The following ZSCAN18 variants were observed in gnomAD, a reference collection of about 807,000 sequenced individuals.
ZSCAN18 encodes zinc finger and SCAN domain containing 18, also known as zinc finger and SCAN domain-containing protein 18.
A neutral mutation model predicts 31.1 loss-of-function variants in ZSCAN18; 16 were observed. That is an observed-to-expected ratio of 0.51 (90% CI 0.35 to 0.78). ZSCAN18 has a LOEUF of 0.78. Ranked by LOEUF, ZSCAN18 falls within the 30% of genes least tolerant of loss-of-function variation. ZSCAN18 has a pLI of 0.01. For missense variants in ZSCAN18, 731 were observed against 697.4 expected, an observed-to-expected ratio of 1.05 and a Z score of -0.54; for synonymous variants, 375 against 320.7, an observed-to-expected ratio of 1.17 and a Z score of -1.81.
chr19:58,087,560 T>C lies in ZSCAN18; in HGVS notation c.554-156A>G, dbSNP rs1426462790. 3.1e-5 allele frequency: 20 copies of C among 652,244 alleles called. No homozygotes were observed. The East Asian group carries it at 5.3e-4, about 17-fold the overall frequency. The allele number at this position is 652,244 out of a possible 1,614,324, so 40.4% of individuals were successfully genotyped here. On this transcript the variant is annotated intron_variant, in intron 3 of 6. Coordinates refer to ENST00000601144, the MANE Select transcript of ZSCAN18 (RefSeq NM_001145543.2). ...ACGGACACTACACCTTTCCCTGATT[T>C]ACAAAGCAGCGCGGTGGCCACAGGG...
At chr19:58,095,132 A>G (rs1200274470) in intron 1 of ZSCAN18, among the ~76,000 whole-genome samples, 1 of 152,140 alleles carries the variant, frequency 6.6e-6, no homozygotes, top group Non-Finnish European at 1.5e-5. Context: ...GCCTCTCCTG[A>G]TGGGAGGCGT....
rs200742278 is a variant in ZSCAN18, at chr19:58,084,749, G to C, written c.1469C>G (p.Ala490Gly). The C allele has an allele frequency of 5.1e-6, 8 of 1,556,962 alleles. No homozygotes were observed. The highest frequency in any genetic ancestry group is 6.0e-6 in the Non-Finnish European group (7 of 1,160,394). The change falls in exon 7 of 7, where the codon GCG becomes GGG. Residue 490 changes from alanine to glycine, a missense_variant. Physicochemically the swap from Ala to Gly is moderately conservative, Grantham distance 60 (BLOSUM62 0). Coordinates refer to ENST00000601144, the MANE Select transcript of ZSCAN18 (RefSeq NM_001145543.2). This position sits in a 1 kb window ranked among gnomAD's most constrained non-coding sequence, Gnocchi z 4.5. Reference protein sequence around the residue: ...STREAQAGARAGGPPESVEGE... With the variant: ...STREAQAGARGGGPPESVEGE... ...CTCCACGCTCTCTGGGGGACCGCCC[G>C]CCCTAGCCCCCGCCTGGGCTTCGCG...
intron 1 of ZSCAN18, among the ~76,000 whole-genome samples, chr19:58,093,614 C>T (rs1404745063): frequency 3.3e-5 from 5 of 152,146 alleles, no homozygotes; most frequent in South Asian, 2.1e-4. Context: ...CCCACTTTCC[C>T]GTGACTTTTT....
upstream of ZSCAN18, among the ~76,000 whole-genome samples, chr19:58,099,420 T>C (rs187916612): frequency 6.6e-6 from 1 of 152,234 alleles, no homozygotes; most frequent in Non-Finnish European, 1.5e-5. Flanking sequence ...TGAAGTAGTA[T>C]GTATCAACAG....
chr19:58,116,121 C>T (rs1227341143), intron 1 of ZSCAN18, among the ~76,000 whole-genome samples: 1 of 150,680 alleles, frequency 6.6e-6, no homozygotes, highest in African/African-American at 2.5e-5. Flanking sequence ...CAATTTCAAA[C>T]ACACGCACGC....
intron 1 of ZSCAN18, among the ~76,000 whole-genome samples, chr19:58,104,271 CAGG>C (rs2074616292): frequency 1.3e-5 from 2 of 152,178 alleles, no homozygotes; most frequent in Non-Finnish European, 2.9e-5. Flanking sequence ...CCCAGCTACT[CAGG>C]AGTCTGAGGC....
In ZSCAN18 at chr19:58,085,378, T is replaced by C. The variant is rs1261196044; in HGVS notation, c.840A>G (p.Glu280=). The change falls in exon 7 of 7, where the codon GAA becomes GAG. Residue 280 remains glutamate, a splice_region_variant and synonymous_variant. Transcript: ENST00000601144. Reference sequence around the variant, plus strand: ...CAGCGCTCTCCTGCCGCCTCCCGCCTTCTGGAACAAGGTCAGAGCCCTAGC... The same window carrying C: ...CAGCGCTCTCCTGCCGCCTCCCGCCCTCTGGAACAAGGTCAGAGCCCTAGC... ...ERDPQGSSLP[E]GGRRQESAGC... The C allele has an allele frequency of 3.1e-6, 5 of 1,587,328 alleles. No individual in the cohort carries two copies. The highest frequency in any genetic ancestry group is 4.3e-6 in the Non-Finnish European group (5 of 1,175,700).
At chr19:58,102,318 G>A (rs1326563878), upstream of ZSCAN18, among the ~76,000 whole-genome samples, 8 of 151,978 alleles carry the variant, frequency 5.3e-5, no homozygotes, top group Middle Eastern at 3.2e-3. Context: ...AAAATTAGCC[G>A]GGCATGGTGG....
At chr19:58,117,726 A>AG (rs1214799219) in intron 1 of ZSCAN18, among the ~76,000 whole-genome samples, 1 of 150,884 alleles carries the variant, frequency 6.6e-6, no homozygotes, top group Non-Finnish European at 1.5e-5. Flanking sequence ...CAGGAAAAAA[A>AG]AAAAAAGAGA....
intron 1 of ZSCAN18, among the ~76,000 whole-genome samples, chr19:58,096,200 G>A (rs1034797502): frequency 6.6e-6 from 1 of 151,278 alleles, no homozygotes; most frequent in African/African-American, 2.4e-5. Context: ...CAGCCTGGGC[G>A]ACAGAATGAG....
rs556128061 is a variant in ZSCAN18, at chr19:58,090,730, C to T, written c.-119-344G>A. 4 of 181,102 alleles carry T rather than the reference C, an allele frequency of 2.2e-5. No individual in the cohort carries two copies. Among genetic ancestry groups the T allele is most frequent in the Non-Finnish European group, 3.4e-5 (3 of 87,112 alleles). The allele number at this position is 181,102 out of a possible 1,614,324, so 11.2% of individuals were successfully genotyped here. A position where few individuals can be genotyped will look rare whatever the true frequency, so the allele number is the denominator to read the frequency against. On this transcript the variant is annotated intron_variant, in intron 1 of 6. Transcript: ENST00000601144. This position sits in a 1 kb window ranked among gnomAD's most constrained non-coding sequence, Gnocchi z 4.7. The stretch of plus-strand genomic sequence containing the variant: ...TCAGTCTCTCCAGTAGCTGGAATTA[C>T]AAGCATGCACCACCACACCCAGCTA...
chr19:58,090,331 G>A lies in ZSCAN18; in HGVS notation c.-64C>T. ...AGGGACAAGGTGGCTCCAAAGGAGA[G>A]GTGCCAGGGATGACCAGATGCCCAG... On this transcript the variant is annotated 5_prime_UTR_variant, in exon 2 of 7. Coordinates refer to ENST00000601144, the MANE Select transcript of ZSCAN18 (RefSeq NM_001145543.2). The surrounding 1 kb of genome is among the most constrained non-coding windows in gnomAD (Gnocchi z 4.7). The A allele has an allele frequency of 1.2e-6, 2 of 1,611,072 alleles. No homozygotes were observed. The highest frequency in any genetic ancestry group is 2.2e-5 in the East Asian group (1 of 44,824).
intron 1 of ZSCAN18, among the ~76,000 whole-genome samples, chr19:58,110,353 C>T (rs2074671484): frequency 6.6e-6 from 1 of 152,146 alleles, no homozygotes; most frequent in Non-Finnish European, 1.5e-5. Context: ...CCCACCCACT[C>T]GGCCCCTCTG....
chr19:58,101,545 A>C, upstream of ZSCAN18, among the ~76,000 whole-genome samples: 1 of 139,872 alleles, frequency 7.1e-6, no homozygotes, highest in African/African-American at 2.7e-5. Flanking sequence ...TTTGAGACAG[A>C]GTCTTGCTCT....
chr19:58,108,492 C>G, intron 1 of ZSCAN18: 1 of 985,870 alleles, frequency 1.0e-6, no homozygotes, highest in Non-Finnish European at 1.2e-6. Flanking sequence ...GAAGGCTTTC[C>G]CACTTCTTGC....
At chr19:58,101,196 G>A (rs995007660), upstream of ZSCAN18, among the ~76,000 whole-genome samples, 7 of 148,396 alleles carry the variant, frequency 4.7e-5, no homozygotes, top group African/African-American at 1.5e-4. Context: ...GCAGTGGCGC[G>A]ATCTCGGCTC....
chr19:58,086,856 G>T (rs1309126861), intron 5 of ZSCAN18, 50 bp downstream of exon 5: 2 of 1,439,738 alleles, frequency 1.4e-6, no homozygotes, highest in Non-Finnish European at 1.9e-6. Context: ...ACCAACCCCT[G>T]CGGAAGGGGA....
intron 1 of ZSCAN18, chr19:58,092,770 AC>A: frequency 1.1e-6 from 1 of 934,556 alleles, no homozygotes; most frequent in Non-Finnish European, 1.3e-6. Context: ...CGATACCTCT[AC>A]TTTTTTTTTT....
chr19:58,101,557 T>A (rs1384798040), upstream of ZSCAN18, among the ~76,000 whole-genome samples: 3 of 149,242 alleles, frequency 2.0e-5, no homozygotes, highest in Non-Finnish European at 4.4e-5. Flanking sequence ...TCTTGCTCTG[T>A]CACCCAGGTT....
Sources: gnomAD v4.1 joint callset for allele counts (sites outside exome capture counted in the v4.1 genomes callset) on GRCh38, gnomAD v4.1.1 for gene constraint, Gnocchi (gnomAD v3.1) non-coding constraint, MANE v1.5 for transcripts, NCBI Gene and HGNC (gene_info 2026-07-23, HGNC 2026-07-21) for gene names.